IL1RAP: variants seen among roughly 807,000 people sequenced by gnomAD.
The protein encoded by IL1RAP is interleukin 1 receptor accessory protein.
A neutral mutation model predicts 60.7 loss-of-function variants in IL1RAP; 35 were observed. The ratio of observed to expected loss-of-function variants is 0.58; its 90% CI spans 0.44 to 0.76. IL1RAP has a LOEUF of 0.76. Ranked by LOEUF, IL1RAP falls within the 30% of genes least tolerant of loss-of-function variation. The pLI is 0.00. For synonymous variants in IL1RAP, 268 were observed against 250.9 expected, an observed-to-expected ratio of 1.07 and a Z score of -0.64; for missense variants, 572 against 693.9, an observed-to-expected ratio of 0.82 and a Z score of 1.97.
At chr3:190,629,595 C>T (rs1732607069) in intron 9 of IL1RAP, 97 bp downstream of exon 9, 1 of 1,473,598 alleles carries the variant, frequency 6.8e-7, no homozygotes. Flanking sequence ...AGCTCCAGCA[C>T]CTAGCCCGAC....
At chr3:190,582,570 G>C (rs1180784759) in intron 3 of IL1RAP, among the ~76,000 whole-genome samples, 1 of 151,948 alleles carries the variant, frequency 6.6e-6, no homozygotes, top group Non-Finnish European at 1.5e-5. Context: ...CACCCGCCTC[G>C]GCCTCCCAAA....
In IL1RAP at chr3:190,621,434, A is replaced by G. The variant is rs182376213; in HGVS notation, c.703+994A>G. On this transcript the variant is annotated intron_variant, in intron 6 of 11. Coordinates refer to ENST00000447382, the MANE Select transcript of IL1RAP (RefSeq NM_002182.4). ...AGTTGGGGATTAATTCATAAGAAAA[A>G]AACAGACTAAATTTTAAAAGTCAAA... Among the ~76,000 whole-genome samples the G allele has an allele frequency of 9.7e-4, 148 of 152,328 alleles. 1 individual carries two copies. The highest frequency in any genetic ancestry group is 3.5e-3 in the African/African-American group (144 of 41,574).
At chr3:190,658,189 A>G (rs1734677917) in exon 12 of IL1RAP, 1 of 152,174 alleles carries the variant, frequency 6.6e-6, no homozygotes, top group Admixed American at 6.5e-5. Context: ...TATAATGTCA[A>G]TTATGGGATG....
chr3:190,626,329 C>A (rs2108808723), intron 7 of IL1RAP, among the ~76,000 whole-genome samples: 1 of 152,286 alleles, frequency 6.6e-6, no homozygotes, highest in South Asian at 2.1e-4. Context: ...AGCATAATAA[C>A]TTGTACAAAG....
chr3:190,564,586 A>G (rs1726203504), intron 3 of IL1RAP: 1 of 504,946 alleles, frequency 2.0e-6, no homozygotes, highest in South Asian at 2.5e-5. Context: ...GCTGTGTTTA[A>G]ACACAGGTAT....
intron 9 of IL1RAP, among the ~76,000 whole-genome samples, chr3:190,639,148 C>G (rs138431593): frequency 6.6e-6 from 1 of 151,986 alleles, no homozygotes; most frequent in Non-Finnish European, 1.5e-5. Flanking sequence ...CTTCTCAGTT[C>G]TATGTGTTTA....
chr3:190,653,796 A>G (rs1178584751), downstream of IL1RAP, among the ~76,000 whole-genome samples: 4 of 152,234 alleles, frequency 2.6e-5, no homozygotes, highest in African/African-American at 9.6e-5. Context: ...AGTAAACTTT[A>G]GCATTAAAAA....
Position 190,620,282 on chromosome 3 carries a change from A to G in IL1RAP, c.545A>G (p.Tyr182Cys). The G allele has an allele frequency of 6.6e-7, 1 of 1,521,256 alleles. No individual in the cohort carries two copies. Among genetic ancestry groups the G allele is most frequent in the Non-Finnish European group, 8.9e-7 (1 of 1,121,854 alleles). The allele number at this position is 1,521,256 out of a possible 1,614,324, so 94.2% of individuals were successfully genotyped here. A position where few individuals can be genotyped will look rare whatever the true frequency, so the allele number is the denominator to read the frequency against. ...KPTITWYMGCYKIQNFNNVIP... is the reference protein window; with the variant it reads ...KPTITWYMGCCKIQNFNNVIP... ...TTTTTTTACTTTTTCTAGGGCTGTT[A>G]TAAAATACAGAATTTTAATAATGTA... Residue 182 changes from tyrosine to cysteine, a missense_variant, in exon 6 of 12, where the codon TAT becomes TGT. By Grantham distance (194) the Tyr-to-Cys change is radical. Transcript: ENST00000447382.
intron 1 of IL1RAP, among the ~76,000 whole-genome samples, chr3:190,553,856 C>G (rs1342510516): frequency 2.0e-5 from 3 of 151,584 alleles, no homozygotes; most frequent in East Asian, 1.9e-4. Flanking sequence ...GTCAGGAGAT[C>G]GAGACCATCC....
At chr3:190,626,922 G>A (rs1449490248) in intron 7 of IL1RAP, among the ~76,000 whole-genome samples, 3 of 151,828 alleles carry the variant, frequency 2.0e-5, no homozygotes, top group Admixed American at 6.6e-5. Flanking sequence ...CACCTGCCTC[G>A]GCCTCCCAAA....
chr3:190,644,337 T>C lies in IL1RAP; in HGVS notation c.1141T>C (p.Tyr381His). ...VVILIVVYHV[Y>H]WLEMVLFYRA... ...GATTCTCATTGTTGTTTACCATGTT[T>C]ACTGGCTAGAGATGGTCCTATTTTA... The change falls in exon 10 of 12, where the codon TAC (tyrosine) becomes CAC (histidine). Residue 381 changes from tyrosine to histidine, a missense_variant. Physicochemically the swap from Tyr to His is moderately conservative, Grantham distance 83 (BLOSUM62 2). Transcript: ENST00000447382. The C allele has an allele frequency of 6.2e-7, 1 of 1,614,112 alleles. No individual in the cohort carries two copies. Among genetic ancestry groups the C allele is most frequent in the Non-Finnish European group, 8.5e-7 (1 of 1,179,966 alleles).
At position 190,620,400 on chromosome 3, in the gene IL1RAP, T is replaced by C; in HGVS notation, c.663T>C (p.Arg221=). ...TTGTTACATATCCAGAAAATGGACG[T>C]ACGTTTCATCTCACCAGGACTCTGA... The part of the protein sequence containing the change: ...TCVVTYPENG[R]TFHLTRTLTV... Residue 221 remains arginine, a synonymous_variant, in exon 6 of 12, where the codon CGT becomes CGC. Transcript: ENST00000447382. 6.2e-7 allele frequency: 1 copy of C among 1,612,820 alleles called. No individual in the cohort carries two copies. The highest frequency in any genetic ancestry group is 8.5e-7 in the Non-Finnish European group (1 of 1,179,578).
chr3:190,620,252 T>TC, intron 5 of IL1RAP, 23 bp from the exon 6 acceptor site: 2 of 1,417,810 alleles, frequency 1.4e-6, no homozygotes, highest in Non-Finnish European at 1.9e-6. Context: ...AAAGTAAACT[T>TC]TTTTTTTTTT....
intron 9 of IL1RAP, among the ~76,000 whole-genome samples, chr3:190,637,811 T>C (rs76488468): frequency 0.073 from 11,100 of 152,010 alleles, 618 homozygotes; most frequent in African/African-American, 0.15. Flanking sequence ...ATACAACTGT[T>C]TTTATTTCCT....
chr3:190,659,222 A>G (rs773628513), exon 12 of IL1RAP: 2 of 152,250 alleles, frequency 1.3e-5, no homozygotes, highest in African/African-American at 2.4e-5. Flanking sequence ...CAAAGAAATG[A>G]AAGAACTATT....
chr3:190,530,801 T>C (rs528280399), intron 1 of IL1RAP, among the ~76,000 whole-genome samples: 1 of 152,354 alleles, frequency 6.6e-6, no homozygotes, highest in Admixed American at 6.5e-5. Flanking sequence ...TATTCTCTTA[T>C]GTGTATCCAA....
rs539436243 is a variant in IL1RAP at position 190,517,228 on chromosome 3, G to A, written c.-89+3009G>A. Among the ~76,000 whole-genome samples the A allele has an allele frequency of 2.6e-5, 4 of 152,220 alleles. No individual in the cohort carries two copies. The East Asian group carries it at 5.8e-4, about 22-fold the overall frequency. ...TGTAATACACCTTTGATTCCTAAGA[G>A]AAAGGGTACTAACTAAGAAGACATA... On this transcript the variant is annotated intron_variant, in intron 1 of 11. Transcript: ENST00000447382.
chr3:190,581,701 G>A (rs758074501), intron 3 of IL1RAP, among the ~76,000 whole-genome samples: 2 of 152,146 alleles, frequency 1.3e-5, no homozygotes, highest in African/African-American at 2.4e-5. Context: ...GTTGAAACTT[G>A]TATTATTTTT....
intron 1 of IL1RAP, among the ~76,000 whole-genome samples, chr3:190,527,172 A>G (rs1295112353): frequency 6.6e-6 from 1 of 152,210 alleles, no homozygotes; most frequent in Admixed American, 6.5e-5. Flanking sequence ...TTTGCCCCAG[A>G]TAACACTTAA....
Sources: allele counts gnomAD v4.1 joint callset (sites outside exome capture counted in the v4.1 genomes callset), GRCh38; gene constraint gnomAD v4.1.1; transcripts MANE v1.5; gene names NCBI Gene and HGNC (gene_info 2026-07-23, HGNC 2026-07-21).